UBN2: variants seen among roughly 807,000 people sequenced by gnomAD.
The protein encoded by UBN2 is ubinuclein 2.
A neutral mutation model predicts 120.2 loss-of-function variants in UBN2; 35 were observed. That is an observed-to-expected ratio of 0.29 (90% CI 0.22 to 0.39). The LOEUF is 0.39. Among genes scored for constraint, UBN2 ranks in the 10% least tolerant of loss-of-function variants. UBN2 has a pLI of 1.00. For synonymous variants in UBN2, 661 were observed against 648.7 expected, an observed-to-expected ratio of 1.02 and a Z score of -0.29; for missense variants, 1,693 against 1,663.2, an observed-to-expected ratio of 1.02 and a Z score of -0.31.
At chr7:139,269,341 T>C in intron 7 of UBN2, 53 bp from the exon 8 acceptor site, 1 of 1,571,236 alleles carries the variant, frequency 6.4e-7, no homozygotes, top group Non-Finnish European at 8.6e-7. Context: ...GTCTGTGCAA[T>C]GCCACCTAAA....
chr7:139,313,030 TA>T (rs1798468692), downstream of UBN2, among the ~76,000 whole-genome samples: 1 of 152,242 alleles, frequency 6.6e-6, no homozygotes, highest in East Asian at 1.9e-4. Context: ...TGTTTTCTAT[TA>T]CCATAGACTT....
chr7:139,257,558 AC>A (rs1335915052), intron 3 of UBN2, among the ~76,000 whole-genome samples: 3 of 151,034 alleles, frequency 2.0e-5, no homozygotes, highest in African/African-American at 7.3e-5. Flanking sequence ...ATAGGCACCC[AC>A]CCCACCACGC....
chr7:139,288,056 T>A (rs1270562740), intron 15 of UBN2, among the ~76,000 whole-genome samples: 1 of 152,210 alleles, frequency 6.6e-6, no homozygotes, highest in Non-Finnish European at 1.5e-5. Flanking sequence ...CCCTTCAACT[T>A]ACTGATTTTC....
rs750894140 is a variant in UBN2, at chr7:139,284,510, C to T, written c.3605C>T (p.Pro1202Leu). ...TGSGTQGATK[P>L]LSTPHRPSTA... The stretch of plus-strand genomic sequence containing the variant: ...AGTGGAACACAGGGTGCTACCAAAC[C>T]ATTGTCTACTCCACATAGACCATCC... The change falls in exon 15 of 18, where the codon CCA becomes CTA. Residue 1202 changes from proline to leucine, a missense_variant. By Grantham distance (98) the Pro-to-Leu change is moderately conservative. Around this residue, in one of 5 missense-constraint regions of UBN2, gnomAD observed 837 missense variants for 817.6 expected, o/e 1.02. Coordinates refer to ENST00000473989, the MANE Select transcript of UBN2 (RefSeq NM_173569.4). The T allele has an allele frequency of 6.2e-7, 1 of 1,614,102 alleles. No homozygotes were observed. Among genetic ancestry groups the T allele is most frequent in the Non-Finnish European group, 8.5e-7 (1 of 1,180,028 alleles).
chr7:139,295,949 C>T (rs1355133180), intron 17 of UBN2, among the ~76,000 whole-genome samples: 1 of 152,104 alleles, frequency 6.6e-6, no homozygotes, highest in Non-Finnish European at 1.5e-5. Context: ...AAAATTTTTC[C>T]TTTAAGAAAC....
At chr7:139,296,098 C>T (rs1798102614) in intron 17 of UBN2, among the ~76,000 whole-genome samples, 1 of 152,148 alleles carries the variant, frequency 6.6e-6, no homozygotes, top group South Asian at 2.1e-4. Flanking sequence ...TTAATGACTT[C>T]ATATGAGAAT....
Position 139,306,216 on chromosome 7 carries a change from CTG to C in UBN2, c.*8385_*8386del, listed in dbSNP as rs1798356462. On this transcript the variant is annotated 3_prime_UTR_variant, in exon 18 of 18. Coordinates refer to ENST00000473989, the MANE Select transcript of UBN2 (RefSeq NM_173569.4). ...AAGACCAGCCAGTTGACATGTTTTT[CTG>C]TGTGGCAACCTGCCCTTAAATTGTC... 6.6e-6 allele frequency: 1 copy of C among 152,210 alleles called. No homozygotes were observed. Among genetic ancestry groups the C allele is most frequent in the Admixed American group, 6.5e-5 (1 of 15,282 alleles). The allele number at this position is 152,210 out of a possible 1,614,324, so 9.4% of individuals were successfully genotyped here.
chr7:139,312,649 C>T (rs146528388), downstream of UBN2, among the ~76,000 whole-genome samples: 189 of 152,268 alleles, frequency 1.2e-3, no homozygotes, highest in African/African-American at 4.3e-3. Context: ...CTTTATTGAA[C>T]GAAATCCTTT....
chr7:139,288,689 TA>T (rs1250373131), intron 15 of UBN2, among the ~76,000 whole-genome samples: 1 of 151,966 alleles, frequency 6.6e-6, no homozygotes, highest in Non-Finnish European at 1.5e-5. Flanking sequence ...CTCACCAAAG[TA>T]GAGTATGTGG....
At chr7:139,285,661 G>T (rs1797764065) in intron 15 of UBN2, among the ~76,000 whole-genome samples, 1 of 152,048 alleles carries the variant, frequency 6.6e-6, no homozygotes, top group Non-Finnish European at 1.5e-5. Flanking sequence ...TTTAGATCAA[G>T]AATATTTTAT....
intron 3 of UBN2, among the ~76,000 whole-genome samples, chr7:139,252,975 G>A (rs1191924046): frequency 6.6e-6 from 1 of 151,918 alleles, no homozygotes; most frequent in Non-Finnish European, 1.5e-5. Flanking sequence ...TATGCTTATG[G>A]TAAAACAACA....
At chr7:139,273,208 A>G (rs1042387555) in intron 9 of UBN2, 89 bp from the exon 10 acceptor site, 2 of 745,234 alleles carry the variant, frequency 2.7e-6, no homozygotes, top group African/African-American at 1.8e-5. Context: ...TTAACATTCC[A>G]TTAAGCAATT....
At chr7:139,257,259 C>A (rs2130971891) in intron 3 of UBN2, among the ~76,000 whole-genome samples, 1 of 152,306 alleles carries the variant, frequency 6.6e-6, no homozygotes, top group East Asian at 1.9e-4. Flanking sequence ...GTGATTTAAA[C>A]AAATTGAGTT....
Position 139,276,103 on chromosome 7 carries a change from T to C in UBN2, c.1980T>C (p.Leu660=). The change falls in exon 12 of 18, where the codon CTT becomes CTC. Residue 660 remains leucine (L), a synonymous_variant. Transcript: ENST00000473989. Reference sequence around the variant, plus strand: ...GTTCTTTAAATTTTTCCAGAATGCTTTTTAAGGAAAGCCGGAGTGTTCATA... The same window carrying C: ...GTTCTTTAAATTTTTCCAGAATGCTCTTTAAGGAAAGCCGGAGTGTTCATA... ...WPKGWMQARM[L]FKESRSVHNH... The C allele has an allele frequency of 1.2e-6, 2 of 1,613,014 alleles. No individual in the cohort carries two copies. The highest frequency in any genetic ancestry group is 1.7e-6 in the Non-Finnish European group (2 of 1,179,720).
At chr7:139,312,431 C>T (rs1798460778), downstream of UBN2, among the ~76,000 whole-genome samples, 1 of 152,176 alleles carries the variant, frequency 6.6e-6, no homozygotes, top group Admixed American at 6.5e-5. Flanking sequence ...TACCTGTTCC[C>T]CTCACAGTGG....
In UBN2 at chr7:139,305,373, G is replaced by C. The variant is rs1798340993; in HGVS notation, c.*7537G>C. ...ACCTATCCTGTGTCCCCATAGAACT[G>C]AGAAGTAAAGCCCTGTGCAGGCCTG... On this transcript the variant is annotated 3_prime_UTR_variant, in exon 18 of 18. Transcript: ENST00000473989. The C allele has an allele frequency of 6.6e-6, 1 of 152,158 alleles. No individual in the cohort carries two copies. Among genetic ancestry groups the C allele is most frequent in the African/African-American group, 2.4e-5 (1 of 41,430 alleles). The allele number at this position is 152,158 out of a possible 1,614,324, so 9.4% of individuals were successfully genotyped here.
chr7:139,241,180 G>T (rs1162589852), intron 2 of UBN2, among the ~76,000 whole-genome samples: 1 of 152,128 alleles, frequency 6.6e-6, no homozygotes, highest in African/African-American at 2.4e-5. Context: ...TAGCCTTCTA[G>T]GACATAGGAT....
At chr7:139,320,435 T>C in the UBN2 span, among the ~76,000 whole-genome samples, 4 of 152,008 alleles carry the variant, frequency 2.6e-5, no homozygotes, top group African/African-American at 9.7e-5. Context: ...CACTCCAGCC[T>C]GGGTGACAGA....
chr7:139,261,224 G>A, intron 5 of UBN2, 28 bp from the exon 6 acceptor site: 2 of 1,572,724 alleles, frequency 1.3e-6, no homozygotes, highest in Non-Finnish European at 8.6e-7. Context: ...ATCACACATA[G>A]CCTAACTGAT....
Sources: gnomAD v4.1 joint callset for allele counts (sites outside exome capture counted in the v4.1 genomes callset) on GRCh38, gnomAD v4.1.1 for gene constraint, gnomAD v4.1.1 regional missense constraint, MANE v1.5 for transcripts, NCBI Gene and HGNC (gene_info 2026-07-23, HGNC 2026-07-21) for gene names.